The following BNIP1 variants were observed in gnomAD, a reference collection of about 807,000 sequenced individuals.
The protein encoded by BNIP1 is vesicle transport protein SEC20.
A neutral mutation model predicts 28.5 loss-of-function variants in BNIP1; 25 were observed. The observed-to-expected ratio is 0.88, with a 90% CI of 0.64 to 1.23. BNIP1 has a LOEUF of 1.23. Ranked by LOEUF, BNIP1 falls within the 50% of genes most tolerant of loss-of-function variation. The pLI is 0.00. For missense variants in BNIP1, 276 were observed against 277.0 expected (o/e 1.00, Z 0.02); for synonymous variants, 118 against 101.7 (o/e 1.16, Z -0.96).
intron 4 of BNIP1, 72 bp downstream of exon 4, chr5:173,158,917 CTTG>C (rs1760283912): frequency 8.7e-7 from 1 of 1,152,880 alleles, no homozygotes; most frequent in African/African-American, 1.7e-5. Flanking sequence ...GAAACCCCCT[CTTG>C]TTTTCAGCTT....
chr5:173,157,928 T>TG (rs1760249401), intron 3 of BNIP1, among the ~76,000 whole-genome samples: 5 of 146,768 alleles, frequency 3.4e-5, no homozygotes, highest in African/African-American at 1.2e-4. Flanking sequence ...GTGTGTGTGT[T>TG]TTTTTTTTTT....
intron 1 of BNIP1, among the ~76,000 whole-genome samples, chr5:173,145,668 G>T (rs1759814170): frequency 1.3e-5 from 2 of 152,230 alleles, no homozygotes. Flanking sequence ...CTCCCAAATT[G>T]CTGGGATTAC....
At position 173,144,585 on chromosome 5, in the gene BNIP1, C is replaced by T. The variant is rs1271011641; in HGVS notation, c.40C>T (p.Gln14Ter). The T allele has an allele frequency of 1.2e-6, 2 of 1,614,204 alleles. No homozygotes were observed. Among genetic ancestry groups the T allele is most frequent in the Non-Finnish European group, 1.7e-6 (2 of 1,180,024 alleles). The part of the protein sequence containing the change: ...PQDVHVRICN[Q>*]EIVKFDLEVK... ...AGACGTCCACGTCCGGATCTGTAAC[C>T]AAGAGATTGTCAAATTTGACCTGGA... Residue 14 changes from glutamine to a stop codon, truncating the protein, a stop_gained, in exon 1 of 6, where the codon CAA becomes TAA. Coordinates refer to ENST00000351486, the MANE Select transcript of BNIP1 (RefSeq NM_001205.3). LOFTEE classifies it high-confidence loss of function.
chr5:173,156,798 G>T (rs1295588289), intron 3 of BNIP1, among the ~76,000 whole-genome samples: 1 of 151,450 alleles, frequency 6.6e-6, no homozygotes, highest in African/African-American at 2.4e-5. Context: ...ACAGGCACCC[G>T]CCACCACGCC....
chr5:173,154,927 T>C (rs1449478560), intron 3 of BNIP1, among the ~76,000 whole-genome samples: 2 of 152,202 alleles, frequency 1.3e-5, no homozygotes, highest in Admixed American at 6.5e-5. Context: ...CAGGTGGAGC[T>C]GAACATAGTT....
chr5:173,151,546 A>ATT (rs374928255), intron 2 of BNIP1: 3,074 of 1,430,312 alleles, frequency 2.1e-3, no homozygotes, highest in South Asian at 5.8e-3. Context: ...AATAACTGTC[A>ATT]TTTTTTTTTT....
Position 173,163,922 on chromosome 5 carries a change from G to T in BNIP1, c.*1G>T. On this transcript the variant is annotated 3_prime_UTR_variant, in exon 6 of 6. Coordinates refer to ENST00000351486, the MANE Select transcript of BNIP1 (RefSeq NM_001205.3). ...AAAGCGGCTCTTTCCATTTTTGTGA[G>T]ATCCCAAAGGTGCCAGTTCTGGCCC... 1 of 1,598,184 alleles carries T rather than the reference G, an allele frequency of 6.3e-7. No individual in the cohort carries two copies. The highest frequency in any genetic ancestry group is 8.5e-7 in the Non-Finnish European group (1 of 1,171,698).
At chr5:173,152,304 G>A (rs1346258938) in intron 2 of BNIP1, among the ~76,000 whole-genome samples, 5 of 151,984 alleles carry the variant, frequency 3.3e-5, no homozygotes, top group African/African-American at 1.2e-4. Context: ...AGGAATATAT[G>A]TAGTGAATAA....
chr5:173,154,030 T>C (rs1760107662), intron 2 of BNIP1, among the ~76,000 whole-genome samples: 1 of 152,170 alleles, frequency 6.6e-6, no homozygotes. Context: ...CTGCCCTAGG[T>C]GACAGGAGCA....
At chr5:173,151,624 C>A (rs1581072278) in intron 2 of BNIP1, 1 of 1,608,608 alleles carries the variant, frequency 6.2e-7, no homozygotes, top group African/African-American at 1.3e-5. Context: ...TTTAAGCTAA[C>A]TTATTCCCTG....
chr5:173,164,176 T>C lies in BNIP1; in HGVS notation c.*255T>C. 3.0e-6 allele frequency: 1 copy of C among 338,628 alleles called. No individual in the cohort carries two copies. Among genetic ancestry groups the C allele is most frequent in the Admixed American group, 4.8e-5 (1 of 21,052 alleles). 21.0% of individuals were successfully genotyped at this position (338,628 alleles called of 1,614,324 possible). Reference sequence around the variant, plus strand: ...ACCGCCTCCTTCCACCATTGTGCACTATGGGAGGCCGCTGCTGCGTGGAGC... The same window carrying C: ...ACCGCCTCCTTCCACCATTGTGCACCATGGGAGGCCGCTGCTGCGTGGAGC... On this transcript the variant is annotated 3_prime_UTR_variant, in exon 6 of 6. Coordinates refer to ENST00000351486, the MANE Select transcript of BNIP1 (RefSeq NM_001205.3). This position sits in a 1 kb window ranked among gnomAD's most constrained non-coding sequence, Gnocchi z 4.0.
At chr5:173,147,949 G>A (rs960470508) in intron 2 of BNIP1, among the ~76,000 whole-genome samples, 2 of 148,354 alleles carry the variant, frequency 1.3e-5, no homozygotes, top group Non-Finnish European at 3.0e-5. Context: ...TGTAATCTCA[G>A]CTACTTAGGA....
chr5:173,159,872 G>T, intron 4 of BNIP1, 61 bp from the exon 5 acceptor site: 1 of 1,361,882 alleles, frequency 7.3e-7, no homozygotes, highest in Non-Finnish European at 1.0e-6. Flanking sequence ...TGGATGTGGG[G>T]CCTTCTTGCA....
At chr5:173,153,280 T>G (rs1760073562) in intron 2 of BNIP1, among the ~76,000 whole-genome samples, 1 of 151,026 alleles carries the variant, frequency 6.6e-6, no homozygotes, top group Non-Finnish European at 1.5e-5. Context: ...CAGGCTGGAG[T>G]GCAGTGGCGC....
intron 2 of BNIP1, among the ~76,000 whole-genome samples, chr5:173,148,599 C>T (rs1759933836): frequency 6.6e-6 from 1 of 152,074 alleles, no homozygotes; most frequent in South Asian, 2.1e-4. Context: ...AGGCCCTCTC[C>T]CTGAGGACAG....
intron 2 of BNIP1, among the ~76,000 whole-genome samples, chr5:173,150,293 T>C (rs374708590): frequency 1.3e-4 from 19 of 151,304 alleles, no homozygotes; most frequent in African/African-American, 4.1e-4. Context: ...GCTTTTCATA[T>C]AACATGGCCC....
intron 5 of BNIP1, among the ~76,000 whole-genome samples, chr5:173,162,716 C>T (rs1760398094): frequency 6.6e-6 from 1 of 152,146 alleles, no homozygotes; most frequent in Admixed American, 6.6e-5. Flanking sequence ...TTTCTATGCA[C>T]AGCAGCCTCG....
At chr5:173,161,623 T>TCAC (rs1760363917) in intron 5 of BNIP1, 1 of 152,224 alleles carries the variant, frequency 6.6e-6, no homozygotes, top group Non-Finnish European at 1.5e-5. Context: ...AACCCTTTCC[T>TCAC]TATGCCTCAC....
rs918265163 is a variant in BNIP1, at chr5:173,164,195, G to C, written c.*274G>C. 1 of 294,572 alleles carries C rather than the reference G, an allele frequency of 3.4e-6. No individual in the cohort carries two copies. Among genetic ancestry groups the C allele is most frequent in the African/African-American group, 2.2e-5 (1 of 46,332 alleles). 18.2% of individuals were successfully genotyped at this position (294,572 alleles called of 1,614,324 possible). The stretch of plus-strand genomic sequence containing the variant: ...GTGCACTATGGGAGGCCGCTGCTGC[G>C]TGGAGCACTTAAAGTCCAGCCTCCA... On this transcript the variant is annotated 3_prime_UTR_variant, in exon 6 of 6. Coordinates refer to ENST00000351486, the MANE Select transcript of BNIP1 (RefSeq NM_001205.3). This position sits in a 1 kb window ranked among gnomAD's most constrained non-coding sequence, Gnocchi z 4.0.
Sources: gnomAD v4.1 joint callset for allele counts (sites outside exome capture counted in the v4.1 genomes callset) on GRCh38, gnomAD v4.1.1 for gene constraint, Gnocchi (gnomAD v3.1) non-coding constraint, MANE v1.5 for transcripts, NCBI Gene and HGNC (gene_info 2026-07-23, HGNC 2026-07-21) for gene names.